The following SPAG9 variants were observed in gnomAD, a reference collection of about 807,000 sequenced individuals.
The protein encoded by SPAG9 is sperm associated antigen 9.
SPAG9 carries 35 observed loss-of-function variants against 166.5 expected under a neutral mutation model. The observed-to-expected ratio is 0.21, with a 90% confidence interval of 0.16 to 0.28. SPAG9 has a LOEUF of 0.28. SPAG9 is among the 10% of genes least tolerant of loss of function. The pLI, the probability that SPAG9 is intolerant of heterozygous loss-of-function variation, is 1.00. For missense variants in SPAG9, 1,235 were observed against 1,603.3 expected (o/e 0.77, Z 3.92); for synonymous variants, 534 against 565.5 (o/e 0.94, Z 0.79).
rs62062962 is a variant in SPAG9 at position 51,000,755 on chromosome 17, G to A, written c.1607+960C>T. ...CAAGACTCCATCTCAATAAATGAAT[G>A]AATAAATAAATAAATAAATAAATAA... On this transcript the variant is annotated intron_variant, in intron 13 of 29. Coordinates refer to ENST00000262013, the MANE Select transcript of SPAG9 (RefSeq NM_001130528.3). Among the ~76,000 whole-genome samples, 525 of 89,326 alleles carry A rather than the reference G, an allele frequency of 5.9e-3. 3 individuals are homozygous for A. Among genetic ancestry groups the A allele is most frequent in the African/African-American group, 0.015 (295 of 19,276 alleles). The allele number at this position is 89,326 out of a possible 152,430, so 58.6% of individuals were successfully genotyped here.
chr17:51,086,059 C>T (rs2048298836), intron 1 of SPAG9, among the ~76,000 whole-genome samples: 1 of 147,248 alleles, frequency 6.8e-6, no homozygotes, highest in African/African-American at 2.5e-5. Flanking sequence ...ACCTCCACCT[C>T]TTGGGTTCAA....
chr17:51,107,690 T>C (rs1442477983), intron 1 of SPAG9, among the ~76,000 whole-genome samples: 1 of 148,728 alleles, frequency 6.7e-6, no homozygotes, highest in Non-Finnish European at 1.5e-5. Flanking sequence ...TGAGCCGAGA[T>C]CATGCCATTG....
At chr17:51,083,049 G>A (rs1346382105) in intron 1 of SPAG9, among the ~76,000 whole-genome samples, 1 of 152,064 alleles carries the variant, frequency 6.6e-6, no homozygotes, top group Admixed American at 6.6e-5. Flanking sequence ...ATAGAGAAGA[G>A]CAGGCCTGAG....
chr17:50,990,128 C>T (rs571145967), intron 20 of SPAG9: 59 of 533,532 alleles, frequency 1.1e-4, no homozygotes, highest in Middle Eastern at 5.2e-4. Flanking sequence ...CCCAGGTTCA[C>T]GCCATTCTCC....
At chr17:51,085,959 ATTTTTTTTTT>A (rs34918673) in intron 1 of SPAG9, among the ~76,000 whole-genome samples, 1 of 88,066 alleles carries the variant, frequency 1.1e-5, no homozygotes, top group African/African-American at 4.6e-5. Flanking sequence ...CTTGGAAATC[ATTTTTTTTTT>A]TTTTTTTTTT....
chr17:51,079,983 T>C (rs2048116034), intron 1 of SPAG9, among the ~76,000 whole-genome samples: 3 of 152,216 alleles, frequency 2.0e-5, no homozygotes, highest in Admixed American at 1.3e-4. Context: ...TTTTGTATAC[T>C]TGCATATGCA....
At chr17:51,050,579 C>T (rs901704188) in intron 3 of SPAG9, among the ~76,000 whole-genome samples, 6 of 152,066 alleles carry the variant, frequency 3.9e-5, no homozygotes, top group African/African-American at 1.2e-4. Flanking sequence ...TTCCTCATAC[C>T]CACAAGAAAA....
chr17:51,003,882 G>T (rs2045075288), intron 12 of SPAG9, among the ~76,000 whole-genome samples: 1 of 152,178 alleles, frequency 6.6e-6, no homozygotes. Context: ...CTGCCCACCT[G>T]GAGACTTCTA....
At chr17:51,000,604 G>A (rs1192970562) in intron 13 of SPAG9, among the ~76,000 whole-genome samples, 4 of 151,944 alleles carry the variant, frequency 2.6e-5, no homozygotes, top group Non-Finnish European at 4.4e-5. Context: ...GCATGGTAGC[G>A]CACACCTGGA....
intron 2 of SPAG9, among the ~76,000 whole-genome samples, chr17:51,057,423 G>A (rs912228504): frequency 2.6e-5 from 4 of 152,214 alleles, no homozygotes; most frequent in South Asian, 2.1e-4. Context: ...TCAGCTGGCC[G>A]CAAACAGGCA....
intron 4 of SPAG9, among the ~76,000 whole-genome samples, chr17:51,046,008 T>C (rs1045110253): frequency 1.3e-5 from 2 of 152,216 alleles, no homozygotes; most frequent in African/African-American, 4.8e-5. Context: ...AGGAAAATAT[T>C]TAAATTGTCA....
chr17:50,979,354 AGAGT>A (rs1377545652), intron 26 of SPAG9, among the ~76,000 whole-genome samples: 1 of 149,534 alleles, frequency 6.7e-6, no homozygotes, highest in Non-Finnish European at 1.5e-5. Context: ...CCTAGGTGAC[AGAGT>A]GAGACCCCGT....
chr17:51,062,971 AT>A (rs1375872366), intron 2 of SPAG9, among the ~76,000 whole-genome samples: 1 of 152,206 alleles, frequency 6.6e-6, no homozygotes, highest in African/African-American at 2.4e-5. Flanking sequence ...ACCATAGTTT[AT>A]GCCTGTTATT....
intron 1 of SPAG9, among the ~76,000 whole-genome samples, chr17:51,113,128 C>G (rs1164988975): frequency 6.7e-6 from 1 of 148,570 alleles, no homozygotes; most frequent in Non-Finnish European, 1.5e-5. Flanking sequence ...CCGAGGCCGG[C>G]GGATCACCTG....
chr17:51,090,904 TA>T (rs950297042), intron 1 of SPAG9, among the ~76,000 whole-genome samples: 8 of 152,146 alleles, frequency 5.3e-5, no homozygotes, highest in African/African-American at 1.9e-4. Context: ...ATGAAACTTT[TA>T]AAAATCACAT....
At chr17:51,017,135 G>A (rs1482080187) in intron 8 of SPAG9, among the ~76,000 whole-genome samples, 4 of 152,112 alleles carry the variant, frequency 2.6e-5, no homozygotes, top group Non-Finnish European at 4.4e-5. Flanking sequence ...CCAGGGTTCC[G>A]TATTTGATCT....
chr17:50,985,454 T>G (rs1482264156), intron 23 of SPAG9, among the ~76,000 whole-genome samples: 1 of 152,252 alleles, frequency 6.6e-6, no homozygotes, highest in Admixed American at 6.5e-5. Flanking sequence ...GGTTATTTCC[T>G]GCAGTGCTAA....
rs1023810785 is a variant in SPAG9 at position 50,991,923 on chromosome 17, CTTTTT to C, written c.2399-1260_2399-1256del. On this transcript the variant is annotated intron_variant, in intron 19 of 29. Coordinates refer to ENST00000262013, the MANE Select transcript of SPAG9 (RefSeq NM_001130528.3). ...ACAGGTGTAAGCCACCATGCCAGGT[CTTTTT>C]TTTTTTTTTTTTTTTTTTTTTTTTA... is the stretch of plus-strand genomic sequence containing the variant. Among the ~76,000 whole-genome samples the C allele has an allele frequency of 4.9e-3, 311 of 63,322 alleles. 2 individuals carry two copies. Among genetic ancestry groups the C allele is most frequent in the Non-Finnish European group, 6.8e-3 (239 of 35,364 alleles). 41.5% of individuals were successfully genotyped at this position (63,322 alleles called of 152,430 possible).
Position 51,031,716 on chromosome 17 carries a change from T to G in SPAG9, c.748A>C (p.Asn250His). Residue 250 changes from asparagine to histidine, a missense_variant, in exon 6 of 30, where the codon AAT becomes CAT. Around this residue, in one of 6 missense-constraint regions of SPAG9, gnomAD observed 288 missense variants for 323.7 expected, o/e 0.89. Coordinates refer to ENST00000262013, the MANE Select transcript of SPAG9 (RefSeq NM_001130528.3). ...PRSHTSLKVSNSPEPQKAVEQ... is the reference protein window; with the variant it reads ...PRSHTSLKVSHSPEPQKAVEQ... ...ACAGCCTTCTGAGGTTCAGGACTAT[T>G]GCTGACCTAGGAAGAGGGAAGATTA... 6.4e-7 allele frequency: 1 copy of G among 1,550,886 alleles called. No individual in the cohort carries two copies. Among genetic ancestry groups the G allele is most frequent in the Middle Eastern group, 1.7e-4 (1 of 5,986 alleles).
Sources: gnomAD v4.1 joint callset for allele counts (sites outside exome capture counted in the v4.1 genomes callset) on GRCh38, gnomAD v4.1.1 for gene constraint, gnomAD v4.1.1 regional missense constraint, MANE v1.5 for transcripts, NCBI Gene and HGNC (gene_info 2026-07-23, HGNC 2026-07-21) for gene names.